CTSB: variants seen among roughly 807,000 people sequenced by gnomAD.
CTSB encodes the protein cathepsin B, also known as APP secretase.
In CTSB, 57 loss-of-function variants were observed where a neutral mutation model predicts 44.3. The observed-to-expected ratio is 1.29, with a 90% CI of 1.04 to 1.60. CTSB has a LOEUF of 1.60. Ranked by LOEUF, CTSB falls within the 40% of genes most tolerant of loss-of-function variation. The pLI is 0.00. For synonymous variants in CTSB, 320 were observed against 168.0 expected, an observed-to-expected ratio of 1.91 and a Z score of -7.00; for missense variants, 768 against 443.0, an observed-to-expected ratio of 1.73 and a Z score of -6.59.
At chr8:11,853,162 A>C (rs189952745) in intron 2 of CTSB, among the ~76,000 whole-genome samples, 167 bp downstream of exon 2, 136 of 152,044 alleles carry the variant, frequency 8.9e-4, no homozygotes, top group African/African-American at 3.2e-3. Flanking sequence ...GGGACAAAGG[A>C]GGGAGGCGTG....
intron 1 of CTSB, among the ~76,000 whole-genome samples, chr8:11,863,369 G>A (rs574364897): frequency 4.6e-5 from 7 of 151,914 alleles, no homozygotes; most frequent in African/African-American, 1.4e-4. Flanking sequence ...TGAGGCAGGA[G>A]AATCACTTGA....
rs1813189182 is a variant in CTSB, at chr8:11,845,746, G to A, written c.837C>T (p.Ala279=). ...CCACTCCCCAGCCCAGGATGCGGAT[G>A]GCATGGCCACCCATCATCTCTCCGG... ...HVTGEMMGGH[A]IRILGWGVEN... is the part of the protein sequence containing the mutation. The change falls in exon 9 of 10, where the codon GCC becomes GCT. Residue 279 remains alanine (A), a synonymous_variant. Coordinates refer to ENST00000353047, the MANE Select transcript of CTSB (RefSeq NM_001908.5). 3.1e-6 allele frequency: 5 copies of A among 1,614,094 alleles called. No individual in the cohort carries two copies. The African/African-American group carries it at 4.0e-5, about 13-fold the overall frequency.
At chr8:11,848,809 A>G (rs1207399874) in intron 5 of CTSB, 1 of 435,716 alleles carries the variant, frequency 2.3e-6, no homozygotes, top group Admixed American at 3.4e-5. Context: ...ATTTTCTGAA[A>G]CTGACTGTTT....
At chr8:11,848,975 C>G (rs1228443840) in intron 5 of CTSB, 71 bp downstream of exon 5, 1 of 1,138,746 alleles carries the variant, frequency 8.8e-7, no homozygotes, top group Non-Finnish European at 1.3e-6. Flanking sequence ...CCTCAAAGTC[C>G]CCTCCACTGA....
Position 11,853,374 on chromosome 8 carries a change from C to T in CTSB, c.81G>A (p.Ser27=), listed in dbSNP as rs144070273. 136 of 1,612,980 alleles carry T rather than the reference C, an allele frequency of 8.4e-5. 2 individuals are homozygous for T. Among genetic ancestry groups the T allele is most frequent in the African/African-American group, 5.8e-4 (43 of 74,546 alleles). ...TGTTGACATAGTTGACCAGCTCATC[C>T]GACAGGGGATGGAAAGAGGGCCTGC... ...ARSRPSFHPL[S]DELVNYVNKR... The change falls in exon 2 of 10, where the codon TCG becomes TCA. Residue 27 remains serine (S), a synonymous_variant. Transcript: ENST00000353047.
At chr8:11,855,888 G>A (rs1815421993) in intron 1 of CTSB, among the ~76,000 whole-genome samples, 1 of 151,990 alleles carries the variant, frequency 6.6e-6, no homozygotes, top group African/African-American at 2.4e-5. Context: ...TGTGGTGGCA[G>A]GTGCCTGTAA....
chr8:11,852,519 C>T (rs985089127), intron 3 of CTSB, 91 bp downstream of exon 3: 31 of 960,004 alleles, frequency 3.2e-5, no homozygotes, highest in South Asian at 6.3e-5. Flanking sequence ...GCCCTGCGGA[C>T]GCCAGAGAGG....
intron 2 of CTSB, 34 bp downstream of exon 2, chr8:11,853,295 G>GTT: frequency 6.2e-7 from 1 of 1,610,426 alleles, no homozygotes; most frequent in Non-Finnish European, 8.5e-7. Context: ...CGACCTGGGA[G>GTT]GGGACATACA....
intron 1 of CTSB, among the ~76,000 whole-genome samples, chr8:11,859,864 G>C (rs1816127764): frequency 1.3e-5 from 2 of 150,794 alleles, no homozygotes; most frequent in South Asian, 2.1e-4. Context: ...CACGAGGTCA[G>C]GAGTTCAAGA....
At chr8:11,858,698 G>A (rs1400793119) in intron 1 of CTSB, among the ~76,000 whole-genome samples, 1 of 152,160 alleles carries the variant, frequency 6.6e-6, no homozygotes, top group African/African-American at 2.4e-5. Context: ...GCCAAACACA[G>A]AGGTCCTGAC....
rs751359116 is a variant in CTSB, at chr8:11,845,131, C to A, written c.1014G>T (p.Lys338Asn). 6.2e-6 allele frequency: 10 copies of A among 1,612,204 alleles called. No individual in the cohort carries two copies. Among genetic ancestry groups the A allele is most frequent in the Admixed American group, 3.3e-5 (2 of 60,024 alleles). ...ACGACAGGCCCACGGCAGATTAGAT[C>A]TTTTCCCAGTACTGATCGGTGCGTG... ...GIPRTDQYWE[K>N]I Residue 338 changes from lysine (K) to asparagine (N), a missense_variant, in exon 10 of 10, where the codon AAG becomes AAT. Transcript: ENST00000353047.
chr8:11,847,643 T>G (rs759930054), intron 7 of CTSB, 36 bp downstream of exon 7: 4 of 1,502,652 alleles, frequency 2.7e-6, no homozygotes, highest in Non-Finnish European at 3.5e-6. Context: ...CTCCCCAGCC[T>G]CCACGTGCGC....
chr8:11,853,792 T>C (rs934650696), intron 1 of CTSB: 2 of 235,676 alleles, frequency 8.5e-6, no homozygotes, highest in African/African-American at 2.3e-5. Flanking sequence ...GTAGAACAGC[T>C]TGAGACACTT....
chr8:11,849,529 A>G (rs1229155244), intron 4 of CTSB: 7 of 172,912 alleles, frequency 4.0e-5, no homozygotes, highest in Admixed American at 4.0e-4. Context: ...AACTGGGTTC[A>G]TTTCTGAAAT....
chr8:11,849,767 G>C (rs1238513857), intron 4 of CTSB, among the ~76,000 whole-genome samples: 1 of 151,968 alleles, frequency 6.6e-6, no homozygotes, highest in South Asian at 2.1e-4. Flanking sequence ...TTTTAGTAGA[G>C]ACAGGGTTTC....
intron 7 of CTSB, 56 bp from the exon 8 acceptor site, chr8:11,847,224 C>T (rs542169181): frequency 5.8e-5 from 64 of 1,097,694 alleles, no homozygotes; most frequent in African/African-American, 2.0e-4. Context: ...CCTCGTGGCA[C>T]GCCACGGTCA....
chr8:11,853,655 C>G (rs1815013106), intron 1 of CTSB, 176 bp from the exon 2 acceptor site: 2 of 592,998 alleles, frequency 3.4e-6, no homozygotes, highest in Non-Finnish European at 5.6e-6. Flanking sequence ...CCGAAGCACG[C>G]CATGACCTCG....
chr8:11,865,556 C>G (rs1428363265), intron 1 of CTSB: 7 of 151,178 alleles, frequency 4.6e-5, no homozygotes, highest in African/African-American at 1.5e-4. Context: ...CCACTGCACT[C>G]CAGCCTGGGT....
chr8:11,845,644 AG>A lies in CTSB; in HGVS notation c.922+16del. 6.2e-7 allele frequency: 1 copy of A among 1,610,152 alleles called. No homozygotes were observed. Among genetic ancestry groups the A allele is most frequent in the Non-Finnish European group, 8.5e-7 (1 of 1,177,130 alleles). ...TCACAATTCACTGTTCTTGGCAGGA[AG>A]GGGGCAGCCACTCACCATTGTCACC... On this transcript the variant is annotated intron_variant, in intron 9 of 9. Transcript: ENST00000353047.
Sources: allele counts gnomAD v4.1 joint callset (sites outside exome capture counted in the v4.1 genomes callset), GRCh38; gene constraint gnomAD v4.1.1; transcripts MANE v1.5; gene names NCBI Gene and HGNC (gene_info 2026-07-23, HGNC 2026-07-21).